The following C7 variants were observed in gnomAD, a reference collection of about 807,000 sequenced individuals.
The protein encoded by C7 is complement component C7.
A neutral mutation model predicts 104.8 loss-of-function variants in C7; 83 were observed. That is an observed-to-expected ratio of 0.79 (90% CI 0.66 to 0.95). The LOEUF (loss-of-function observed/expected upper bound fraction) is 0.95. Ranked by LOEUF, C7 falls within the 40% of genes least tolerant of loss-of-function variation. The pLI is 0.00. For missense variants in C7, 1,070 were observed against 1,011.2 expected (o/e 1.06, Z -0.79); for synonymous variants, 415 against 360.6 (o/e 1.15, Z -1.71).
At chr5:40,941,916 C>T (rs1181424380) in intron 6 of C7, among the ~76,000 whole-genome samples, 1 of 152,090 alleles carries the variant, frequency 6.6e-6, no homozygotes, top group Admixed American at 6.6e-5. Flanking sequence ...GAACACTGTT[C>T]CTCTTGGAAT....
At chr5:40,928,402 A>G (rs1739604245) in intron 1 of C7, among the ~76,000 whole-genome samples, 178 bp from the exon 2 acceptor site, 1 of 152,206 alleles carries the variant, frequency 6.6e-6, no homozygotes, top group Non-Finnish European at 1.5e-5. Flanking sequence ...GCCACAAAAA[A>G]TGTTAAATAT....
intron 9 of C7, among the ~76,000 whole-genome samples, chr5:40,955,105 A>G (rs1740259697): frequency 6.6e-6 from 1 of 152,164 alleles, no homozygotes; most frequent in African/African-American, 2.4e-5. Flanking sequence ...ATTGTCATCC[A>G]AAGTCCATAA....
At chr5:40,936,617 C>A in intron 5 of C7, 132 bp downstream of exon 5, 1 of 788,900 alleles carries the variant, frequency 1.3e-6, no homozygotes. Context: ...GAGCTCTTTG[C>A]CACATCCTGA....
intron 15 of C7, among the ~76,000 whole-genome samples, chr5:40,973,219 C>A (rs1339318265): frequency 6.6e-6 from 1 of 152,022 alleles, no homozygotes; most frequent in African/African-American, 2.4e-5. Flanking sequence ...CAAATTATTT[C>A]TTTTTAGAGG....
chr5:40,935,887 C>T (rs1390785606), intron 4 of C7, among the ~76,000 whole-genome samples: 1 of 152,138 alleles, frequency 6.6e-6, no homozygotes, highest in Non-Finnish European at 1.5e-5. Context: ...CCCTATTGTG[C>T]TACGGAAATG....
At chr5:40,918,399 A>AAAC (rs894743162) in intron 1 of C7, among the ~76,000 whole-genome samples, 2 of 152,056 alleles carry the variant, frequency 1.3e-5, no homozygotes, top group African/African-American at 2.4e-5. Context: ...ACAACAAGAA[A>AAAC]AACAACAACA....
intron 11 of C7, among the ~76,000 whole-genome samples, chr5:40,958,973 T>C (rs1402860303): frequency 6.6e-6 from 1 of 152,168 alleles, no homozygotes; most frequent in African/African-American, 2.4e-5. Context: ...ATACAAGCAT[T>C]ACAAAGGCAT....
At chr5:40,915,928 T>C (rs1739307452) in intron 1 of C7, among the ~76,000 whole-genome samples, 1 of 151,634 alleles carries the variant, frequency 6.6e-6, no homozygotes, top group Non-Finnish European at 1.5e-5. Context: ...AGAAAAAGAG[T>C]TTTGGGGAGT....
intron 7 of C7, among the ~76,000 whole-genome samples, chr5:40,947,097 A>G (rs930862434): frequency 1.3e-4 from 17 of 127,198 alleles, no homozygotes; most frequent in Admixed American, 1.3e-3. Context: ...CATTACTCAG[A>G]TTTTTTTTTT....
At chr5:40,913,806 A>T (rs536803116) in intron 1 of C7, among the ~76,000 whole-genome samples, 15 of 152,228 alleles carry the variant, frequency 9.9e-5, no homozygotes, top group African/African-American at 3.4e-4. Context: ...CAGCCTCCCA[A>T]GTAGCTGAGA....
chr5:40,950,276 T>A (rs1051219112), intron 9 of C7, among the ~76,000 whole-genome samples: 6 of 152,192 alleles, frequency 3.9e-5, no homozygotes, highest in African/African-American at 1.2e-4. Flanking sequence ...ATCATTTAGC[T>A]CCTGCATATA....
In C7 at chr5:40,949,908, T is replaced by A; in HGVS notation, c.987T>A (p.Phe329Leu). 6.4e-7 allele frequency: 1 copy of A among 1,569,050 alleles called. No individual in the cohort carries two copies. ...CTTTTACATTTTCTCCCCTAGATTT[T>A]AATTCAGTCGAAGAAAAGAAATGTA... ...VDSEKLKQND[F>L]NSVEEKKCKS... Residue 329 changes from phenylalanine (F) to leucine (L), a missense_variant, in exon 9 of 18, where the codon TTT becomes TTA. Coordinates refer to ENST00000313164, the MANE Select transcript of C7 (RefSeq NM_000587.4).
chr5:40,979,819 A>G lies in C7; in HGVS notation c.2260A>G (p.Asn754Asp). 6.2e-7 allele frequency: 1 copy of G among 1,613,748 alleles called. No individual in the cohort carries two copies. Among genetic ancestry groups the G allele is most frequent in the Non-Finnish European group, 8.5e-7 (1 of 1,179,702 alleles). The change falls in exon 17 of 18, where the codon AAT becomes GAT. Residue 754 changes from asparagine to aspartate, a missense_variant. Transcript: ENST00000313164. ...KMHVLHCQGR[N>D]YTLTGRDSCT... ...GCATGTTCTCCACTGTCAGGGTAGA[A>G]ATTACACCCTTACTGGTAGGGACAG...
intron 12 of C7, among the ~76,000 whole-genome samples, chr5:40,960,328 G>A (rs1332240737): frequency 6.6e-6 from 1 of 152,190 alleles, no homozygotes; most frequent in African/African-American, 2.4e-5. Context: ...AAGGTCATGT[G>A]AGTTGAAGAA....
chr5:40,949,777 C>G lies in C7; in HGVS notation c.983-127C>G, dbSNP rs945135224. ...CTCTTCTAGAGCACTTGAAAATGTT[C>G]ATATCATGTCACTCTTGATTAGATG... On this transcript the variant is annotated intron_variant, in intron 8 of 17. Transcript: ENST00000313164. 1.2e-5 allele frequency: 8 copies of G among 653,138 alleles called. No homozygotes were observed. The East Asian group carries it at 1.9e-4, about 16-fold the overall frequency. The allele number at this position is 653,138 out of a possible 1,614,324, so 40.5% of individuals were successfully genotyped here.
intron 3 of C7, among the ~76,000 whole-genome samples, chr5:40,932,123 T>C (rs1016805227): frequency 2.0e-5 from 3 of 152,208 alleles, no homozygotes; most frequent in African/African-American, 7.2e-5. Context: ...CAGCTCTGTC[T>C]ACTTTTTCTC....
intron 13 of C7, 88 bp from the exon 14 acceptor site, chr5:40,964,652 TG>T: frequency 8.6e-7 from 1 of 1,164,782 alleles, no homozygotes; most frequent in East Asian, 2.4e-5. Context: ...CTGATGATTA[TG>T]ATTTATAGAC....
At chr5:40,962,745 C>T (rs1163146679) in intron 13 of C7, among the ~76,000 whole-genome samples, 1 of 152,110 alleles carries the variant, frequency 6.6e-6, no homozygotes, top group Non-Finnish European at 1.5e-5. Flanking sequence ...GTTAATGCTG[C>T]TCTCAGTCTT....
At chr5:40,932,248 T>C (rs979102678) in intron 3 of C7, among the ~76,000 whole-genome samples, 3 of 152,220 alleles carry the variant, frequency 2.0e-5, no homozygotes. Flanking sequence ...TTATGTTCCA[T>C]GATATGAATA....
Sources: allele counts gnomAD v4.1 joint callset (sites outside exome capture counted in the v4.1 genomes callset), GRCh38; gene constraint gnomAD v4.1.1; transcripts MANE v1.5; gene names NCBI Gene and HGNC (gene_info 2026-07-23, HGNC 2026-07-21).